Variants in PTPRG observed in about 807,000 individuals in gnomAD.
The protein encoded by PTPRG is protein tyrosine phosphatase receptor type G.
PTPRG carries 102 observed loss-of-function variants against 165.3 expected under a neutral mutation model. That is an observed-to-expected ratio of 0.62 (90% CI 0.53 to 0.73). The LOEUF (loss-of-function observed/expected upper bound fraction) is 0.73. Among genes scored for constraint, PTPRG ranks in the 30% least tolerant of loss-of-function variants. PTPRG has a pLI of 0.00. For missense variants in PTPRG, 1,866 were observed against 1,861.4 expected, an observed-to-expected ratio of 1.00 and a Z score of -0.05; for synonymous variants, 675 against 669.5, an observed-to-expected ratio of 1.01 and a Z score of -0.13.
chr3:62,065,274 A>G (rs538849959), intron 4 of PTPRG, among the ~76,000 whole-genome samples: 161 of 152,264 alleles, frequency 1.1e-3, no homozygotes, highest in African/African-American at 3.7e-3. Context: ...TTTTAGAGGT[A>G]GTGATTTTTA....
At chr3:61,987,986 A>T (rs1170643052) in intron 2 of PTPRG, among the ~76,000 whole-genome samples, 1 of 152,200 alleles carries the variant, frequency 6.6e-6, no homozygotes, top group African/African-American at 2.4e-5. Context: ...CAAAGAGGTA[A>T]AAAAATACAT....
At chr3:61,870,672 C>T (rs1426746007) in intron 2 of PTPRG, among the ~76,000 whole-genome samples, 1 of 151,262 alleles carries the variant, frequency 6.6e-6, no homozygotes, top group Non-Finnish European at 1.5e-5. Flanking sequence ...TGAGCCATCG[C>T]ACCCATTGTT....
intron 1 of PTPRG, chr3:61,659,410 G>T: frequency 1.0e-6 from 1 of 985,338 alleles, no homozygotes; most frequent in Non-Finnish European, 1.2e-6. Flanking sequence ...GTTTGATGAG[G>T]CTGTGTACAC....
At chr3:62,138,168 A>T (rs73096552) in intron 6 of PTPRG, among the ~76,000 whole-genome samples, 13,487 of 152,310 alleles carry the variant, frequency 0.089, 949 homozygotes, top group East Asian at 0.36. Flanking sequence ...GGACTCAAAT[A>T]AGAAAATTGC....
At chr3:62,128,709 C>A (rs1703405164) in intron 5 of PTPRG, among the ~76,000 whole-genome samples, 1 of 148,952 alleles carries the variant, frequency 6.7e-6, no homozygotes. Flanking sequence ...CATATTTTCC[C>A]CATCCCTGGC....
chr3:62,290,290 A>C (rs531294241), intron 28 of PTPRG, among the ~76,000 whole-genome samples: 1 of 152,188 alleles, frequency 6.6e-6, no homozygotes, highest in Admixed American at 6.5e-5. Flanking sequence ...ATTTCCTCAG[A>C]TCCATCTATA....
At chr3:62,243,518 T>A in intron 14 of PTPRG, 1 of 237,378 alleles carries the variant, frequency 4.2e-6, no homozygotes, top group Admixed American at 5.5e-5. Context: ...GTGTGGTAGG[T>A]TTACTCTCTA....
At chr3:61,665,585 G>A (rs1702790261) in intron 1 of PTPRG, among the ~76,000 whole-genome samples, 1 of 147,254 alleles carries the variant, frequency 6.8e-6, no homozygotes, top group African/African-American at 2.5e-5. Context: ...TGCACTTTGG[G>A]AGGCTGAGGC....
chr3:62,012,019 C>A (rs2041435105), intron 4 of PTPRG, among the ~76,000 whole-genome samples: 1 of 151,616 alleles, frequency 6.6e-6, no homozygotes, highest in Non-Finnish European at 1.5e-5. Context: ...TGGTGGCCCT[C>A]ACAACCATAT....
chr3:61,692,484 C>T (rs1018330126), intron 1 of PTPRG, among the ~76,000 whole-genome samples: 1 of 152,084 alleles, frequency 6.6e-6, no homozygotes, highest in African/African-American at 2.4e-5. Flanking sequence ...CATGCGCGTC[C>T]GTGTGAAGAG....
chr3:61,989,855 G>A (rs2040843289), intron 3 of PTPRG, 51 bp downstream of exon 3: 2 of 1,591,190 alleles, frequency 1.3e-6, no homozygotes, highest in African/African-American at 1.3e-5. Context: ...ACTATTTTTG[G>A]ATGTCTCTGG....
intron 2 of PTPRG, among the ~76,000 whole-genome samples, chr3:61,812,427 C>T (rs983383649): frequency 2.0e-5 from 3 of 152,140 alleles, no homozygotes; most frequent in African/African-American, 7.2e-5. Flanking sequence ...TCATTCAAAA[C>T]GGGTATGTAC....
intron 1 of PTPRG, chr3:61,742,418 T>TTTTTA: frequency 8.0e-7 from 1 of 1,256,694 alleles, no homozygotes; most frequent in Non-Finnish European, 1.0e-6. Context: ...TTTTTTTTTT[T>TTTTTA]TTTTTGAACT....
At chr3:61,582,556 A>G (rs1358399782) in intron 1 of PTPRG, among the ~76,000 whole-genome samples, 1 of 152,104 alleles carries the variant, frequency 6.6e-6, no homozygotes, top group Non-Finnish European at 1.5e-5. Flanking sequence ...CCTATGTTTG[A>G]TAAGAGTGGA....
At chr3:62,031,931 T>A (rs1418411397) in intron 4 of PTPRG, among the ~76,000 whole-genome samples, 1 of 152,132 alleles carries the variant, frequency 6.6e-6, no homozygotes, top group African/African-American at 2.4e-5. Context: ...TGTAGATATA[T>A]CCAGTTGGAA....
At chr3:62,197,168 A>T (rs1471925618) in intron 10 of PTPRG, among the ~76,000 whole-genome samples, 1 of 152,070 alleles carries the variant, frequency 6.6e-6, no homozygotes, top group African/African-American at 2.4e-5. Context: ...TAGTTTCCCA[A>T]TCCAAAAAGT....
chr3:62,216,384 C>G (rs904704978), intron 12 of PTPRG, among the ~76,000 whole-genome samples: 1 of 152,154 alleles, frequency 6.6e-6, no homozygotes, highest in Non-Finnish European at 1.5e-5. Flanking sequence ...GAATCCTGTT[C>G]TGTAAGGAGT....
intron 2 of PTPRG, among the ~76,000 whole-genome samples, chr3:61,940,321 C>G (rs981939995): frequency 6.6e-6 from 1 of 152,148 alleles, no homozygotes; most frequent in Non-Finnish European, 1.5e-5. Context: ...GAAAAATAAC[C>G]TTTCCTAGCA....
At chr3:61,753,908 A>T (rs2033544496) in intron 2 of PTPRG, among the ~76,000 whole-genome samples, 1 of 151,974 alleles carries the variant, frequency 6.6e-6, no homozygotes, top group African/African-American at 2.4e-5. Context: ...AGGCATTTTT[A>T]TATATAAAGT....
Sources: allele counts gnomAD v4.1 joint callset (sites outside exome capture counted in the v4.1 genomes callset), GRCh38; gene constraint gnomAD v4.1.1; transcripts MANE v1.5; gene names NCBI Gene and HGNC (gene_info 2026-07-23, HGNC 2026-07-21).